OR51B5: variants seen among roughly 807,000 people sequenced by gnomAD.
OR51B5 encodes olfactory receptor family 51 subfamily B member 5.
For missense variants in OR51B5, 456 were observed against 374.6 expected, an observed-to-expected ratio of 1.22 and a Z score of -1.79; for synonymous variants, 186 against 144.8, an observed-to-expected ratio of 1.28 and a Z score of -2.04.
chr11:5,369,656 T>C (rs1465806695), intron 1 of OR51B5, among the ~76,000 whole-genome samples: 1 of 152,164 alleles, frequency 6.6e-6, no homozygotes, highest in Non-Finnish European at 1.5e-5. Flanking sequence ...TCCCTGGAGA[T>C]AATTTCCCTT....
intron 1 of OR51B5, among the ~76,000 whole-genome samples, chr11:5,421,414 T>C (rs998578195): frequency 4.6e-5 from 7 of 152,264 alleles, no homozygotes; most frequent in African/African-American, 1.4e-4. Flanking sequence ...CATGACTTGT[T>C]AGAACATAAG....
chr11:5,370,737 G>A (rs1021381753), intron 1 of OR51B5, among the ~76,000 whole-genome samples: 1 of 151,980 alleles, frequency 6.6e-6, no homozygotes, highest in African/African-American at 2.4e-5. Flanking sequence ...TAACGGAAAG[G>A]AAATAATAAA....
chr11:5,422,535 T>G (rs764054857), intron 1 of OR51B5: 1 of 1,614,176 alleles, frequency 6.2e-7, no homozygotes, highest in South Asian at 1.1e-5. Context: ...TTCTCCTTTA[T>G]GGAGTCTTCT....
In OR51B5 at chr11:5,412,879, GAAA is replaced by G. The variant is rs1426938153; in HGVS notation, n.85-65972_85-65970del. 3.0e-4 allele frequency among the ~76,000 whole-genome samples: 45 copies of G among 151,144 alleles called. 1 individual carries two copies. The highest frequency in any genetic ancestry group is 1.1e-3 in the African/African-American group (44 of 41,430). ...CTGGGGGCAGGGCACAGACAAACAAGAAAACAGCAGTAACCTCTGCAGACTTAA... is the reference window on the plus strand; with the variant it reads ...CTGGGGGCAGGGCACAGACAAACAAGACAGCAGTAACCTCTGCAGACTTAA... On this transcript the variant is annotated intron_variant and non_coding_transcript_variant, in intron 1 of 4. Coordinates refer to the OR51B5 transcript ENST00000415970.
chr11:5,349,542 T>C (rs1253555518), intron 1 of OR51B5, among the ~76,000 whole-genome samples: 2 of 152,164 alleles, frequency 1.3e-5, no homozygotes, highest in African/African-American at 4.8e-5. Context: ...AGACCTCACA[T>C]ATTTTTACTA....
chr11:5,489,148 G>T (rs201617499), intron 1 of OR51B5: 57 of 1,613,902 alleles, frequency 3.5e-5, no homozygotes, highest in Non-Finnish European at 4.7e-5. Context: ...AGGCAGAATT[G>T]GCTTTGTTGG....
chr11:5,353,311 C>A lies in OR51B5; in HGVS notation n.85-6401G>T, dbSNP rs547089859. Among the ~76,000 whole-genome samples the A allele has an allele frequency of 8.5e-5, 13 of 152,124 alleles. 1 individual carries two copies. The highest frequency in any genetic ancestry group is 3.1e-4 in the African/African-American group (13 of 41,472). Reference sequence around the variant, plus strand: ...AGATATAATTTCTAATTCAGATGACCATTGTCTTGATAGTTAATTCCAGTT... The same window carrying A: ...AGATATAATTTCTAATTCAGATGACAATTGTCTTGATAGTTAATTCCAGTT... On this transcript the variant is annotated intron_variant and non_coding_transcript_variant, in intron 1 of 4. Transcript: ENST00000415970.
chr11:5,342,629 T>A, exon 1 of OR51B5: 1 of 1,606,796 alleles, frequency 6.2e-7, no homozygotes, highest in South Asian at 1.1e-5. Flanking sequence ...AAGAATGGCA[T>A]TCTGAATCTG....
chr11:5,393,425 AG>A (rs775430339), intron 1 of OR51B5, among the ~76,000 whole-genome samples: 54 of 152,182 alleles, frequency 3.5e-4, no homozygotes, highest in Non-Finnish European at 7.1e-4. Flanking sequence ...ACTATGTAAA[AG>A]GCTATAAATA....
chr11:5,478,021 G>GGCCT (rs1412454206), intron 1 of OR51B5, among the ~76,000 whole-genome samples: 2 of 151,900 alleles, frequency 1.3e-5, no homozygotes, highest in African/African-American at 4.8e-5. Context: ...AGCTCAAGGA[G>GGCCT]GCCTGCCTGC....
intron 1 of OR51B5, chr11:5,422,978 G>C: frequency 6.2e-7 from 1 of 1,614,116 alleles, no homozygotes; most frequent in Non-Finnish European, 8.5e-7. Context: ...CATGGTTGGT[G>C]TATCTATGAC....
chr11:5,453,473 C>T (rs766593008), intron 1 of OR51B5: 3 of 1,503,968 alleles, frequency 2.0e-6, no homozygotes, highest in South Asian at 1.4e-5. Flanking sequence ...GAAAAGTACC[C>T]TAAGTTTGTT....
chr11:5,399,532 C>T (rs978810745), intron 1 of OR51B5, among the ~76,000 whole-genome samples: 1 of 152,124 alleles, frequency 6.6e-6, no homozygotes, highest in Non-Finnish European at 1.5e-5. Flanking sequence ...CAATTCTGTC[C>T]AGCTCCAGGG....
rs369026430 is a variant in OR51B5, at chr11:5,389,499, G to A, written n.85-42589C>T. ...CTCACCAGCTTTCCTGGATTGGAAG[G>A]CATCAAACACTGGATTTTCATCCCC... On this transcript the variant is annotated intron_variant and non_coding_transcript_variant, in intron 1 of 4. Transcript: ENST00000415970. The A allele has an allele frequency of 2.2e-5, 35 of 1,613,822 alleles. No individual in the cohort carries two copies. Among genetic ancestry groups the A allele is most frequent in the South Asian group, 1.9e-4 (17 of 91,082 alleles).
chr11:5,346,044 T>A (rs1021500470), upstream of OR51B5: 1 of 152,200 alleles, frequency 6.6e-6, no homozygotes, highest in Admixed American at 6.5e-5. Context: ...ACACTCTTAC[T>A]TCTCTGACGT....
chr11:5,395,711 T>C (rs948885274), intron 1 of OR51B5, among the ~76,000 whole-genome samples: 1 of 152,212 alleles, frequency 6.6e-6, no homozygotes, highest in Non-Finnish European at 1.5e-5. Flanking sequence ...TGGAAATCTT[T>C]CAACATAGTA....
chr11:5,450,014 C>T (rs1408866787), intron 1 of OR51B5, among the ~76,000 whole-genome samples: 2 of 152,130 alleles, frequency 1.3e-5, no homozygotes, highest in Non-Finnish European at 2.9e-5. Context: ...CAAACTCTCA[C>T]AGGCATTCTT....
At chr11:5,419,813 T>G (rs190582132) in intron 1 of OR51B5, among the ~76,000 whole-genome samples, 4 of 152,114 alleles carry the variant, frequency 2.6e-5, no homozygotes, top group Non-Finnish European at 5.9e-5. Flanking sequence ...TAATAGCTCC[T>G]TTTTCCAAGG....
chr11:5,482,984 T>G (rs1030998903), intron 1 of OR51B5, among the ~76,000 whole-genome samples: 7 of 110,366 alleles, frequency 6.3e-5, no homozygotes, highest in Admixed American at 9.9e-5. Context: ...AAATACCATT[T>G]GACCCAGCCA....
Sources: allele counts gnomAD v4.1 joint callset (sites outside exome capture counted in the v4.1 genomes callset), GRCh38; gene constraint gnomAD v4.1.1; transcripts MANE v1.5; gene names NCBI Gene and HGNC (gene_info 2026-07-23, HGNC 2026-07-21).